EML6: variants seen among roughly 807,000 people sequenced by gnomAD.
The protein encoded by EML6 is EMAP like 6.
In EML6, 154 loss-of-function variants were observed where a neutral mutation model predicts 240.1. That is an observed-to-expected ratio of 0.64 (90% CI 0.56 to 0.73). The LOEUF (loss-of-function observed/expected upper bound fraction) is 0.73. EML6 is among the 30% of genes least tolerant of loss of function. The pLI is 0.00. For missense variants in EML6, 2,964 were observed against 2,474.6 expected (o/e 1.20, Z -4.20); for synonymous variants, 1,148 against 899.0 (o/e 1.28, Z -4.95).
intron 26 of EML6, among the ~76,000 whole-genome samples, chr2:54,923,018 C>T (rs535953219): frequency 3.5e-4 from 53 of 149,942 alleles, no homozygotes; most frequent in African/African-American, 1.0e-3. Context: ...CTGGGCTCAC[C>T]GCAACCTCTG....
intron 7 of EML6, among the ~76,000 whole-genome samples, chr2:54,838,438 A>T (rs748792928): frequency 1.2e-4 from 18 of 152,226 alleles, no homozygotes; most frequent in Admixed American, 2.0e-4. Flanking sequence ...GAATGACTAA[A>T]TACCTTACCA....
chr2:54,868,164 C>G (rs530453890), intron 14 of EML6: 1 of 152,048 alleles, frequency 6.6e-6, no homozygotes, highest in African/African-American at 2.4e-5. Context: ...TAAAATGTTA[C>G]TGAAATAAAT....
chr2:54,905,074 C>T (rs536707606), intron 24 of EML6, among the ~76,000 whole-genome samples: 87 of 152,262 alleles, frequency 5.7e-4, no homozygotes, highest in African/African-American at 1.9e-3. Flanking sequence ...TCAGATAAGT[C>T]TGTTTCGCTT....
At chr2:54,754,084 G>A (rs1057201782) in intron 2 of EML6, among the ~76,000 whole-genome samples, 2 of 151,338 alleles carry the variant, frequency 1.3e-5, no homozygotes, top group Non-Finnish European at 2.9e-5. Flanking sequence ...GCAGTGAGTC[G>A]AGATCACACC....
chr2:54,824,800 C>G (rs1668509556), intron 5 of EML6, among the ~76,000 whole-genome samples: 1 of 152,132 alleles, frequency 6.6e-6, no homozygotes, highest in African/African-American at 2.4e-5. Flanking sequence ...ACTCAAGGTA[C>G]CTGCCAGCTC....
intron 11 of EML6, among the ~76,000 whole-genome samples, chr2:54,856,267 C>T (rs1365323460): frequency 6.6e-6 from 1 of 152,218 alleles, no homozygotes; most frequent in Non-Finnish European, 1.5e-5. Flanking sequence ...GCCACACAGA[C>T]ACTGAAACGA....
At chr2:54,799,033 A>AT (rs955554919) in intron 2 of EML6, among the ~76,000 whole-genome samples, 2 of 151,694 alleles carry the variant, frequency 1.3e-5, no homozygotes, top group East Asian at 1.9e-4. Flanking sequence ...AGATGATTGT[A>AT]TTTTTTTTCT....
chr2:54,960,360 G>T, intron 35 of EML6, 26 bp downstream of exon 35: 1 of 1,513,278 alleles, frequency 6.6e-7, no homozygotes, highest in Non-Finnish European at 9.0e-7. Flanking sequence ...TCCCCTGGGG[G>T]CTGGGCCAGG....
rs971616903 is a variant in EML6, at chr2:54,954,253, C to T, written c.4486+97C>T. ...CAGATCTGCCTCACTCCGAAGCCTG[C>T]CGTAGGCACTGACTGCTGCTGGGCA... On this transcript the variant is annotated intron_variant, in intron 32 of 41. Transcript: ENST00000356458. 4.5e-5 allele frequency: 49 copies of T among 1,095,304 alleles called. No homozygotes were observed. The African/African-American group carries it at 7.1e-4, about 16-fold the overall frequency. The allele number at this position is 1,095,304 out of a possible 1,614,324, so 67.8% of individuals were successfully genotyped here.
intron 2 of EML6, among the ~76,000 whole-genome samples, chr2:54,797,020 C>T (rs891985591): frequency 3.3e-5 from 5 of 151,684 alleles, no homozygotes; most frequent in Non-Finnish European, 5.9e-5. Flanking sequence ...AAAAAATTAG[C>T]GGGGCCTAGT....
intron 26 of EML6, among the ~76,000 whole-genome samples, chr2:54,917,613 G>A (rs1465828957): frequency 6.6e-6 from 1 of 152,082 alleles, no homozygotes; most frequent in Non-Finnish European, 1.5e-5. Flanking sequence ...CACCCGCCTT[G>A]GCCTCCCAAA....
intron 3 of EML6, among the ~76,000 whole-genome samples, chr2:54,815,137 A>G (rs896297699): frequency 1.2e-4 from 18 of 152,244 alleles, no homozygotes; most frequent in African/African-American, 3.1e-4. Flanking sequence ...AGGAAAATCC[A>G]GCTTTAAAAA....
intron 26 of EML6, among the ~76,000 whole-genome samples, chr2:54,917,833 T>A (rs919063734): frequency 1.3e-5 from 2 of 152,250 alleles, no homozygotes; most frequent in African/African-American, 4.8e-5. Flanking sequence ...GGCTTACAGC[T>A]GTCCCCTCCC....
chr2:54,812,187 T>A (rs1351975145), intron 2 of EML6, among the ~76,000 whole-genome samples: 1 of 152,194 alleles, frequency 6.6e-6, no homozygotes, highest in Non-Finnish European at 1.5e-5. Flanking sequence ...GTATTATCTG[T>A]ATTTTTAGAT....
At chr2:54,839,281 A>T (rs1355957016) in intron 7 of EML6, among the ~76,000 whole-genome samples, 1 of 152,222 alleles carries the variant, frequency 6.6e-6, no homozygotes, top group Non-Finnish European at 1.5e-5. Flanking sequence ...TTAAAAAAGG[A>T]TGGCAATGGG....
intron 7 of EML6, among the ~76,000 whole-genome samples, chr2:54,834,104 T>C (rs1669011354): frequency 6.6e-6 from 1 of 152,092 alleles, no homozygotes; most frequent in Non-Finnish European, 1.5e-5. Flanking sequence ...AATATAAAAT[T>C]CTGGAATTTT....
chr2:54,857,365 G>A (rs1460887917), intron 11 of EML6, among the ~76,000 whole-genome samples: 1 of 152,174 alleles, frequency 6.6e-6, no homozygotes, highest in African/African-American at 2.4e-5. Context: ...GAGGACAAAG[G>A]GAGGTCTGGT....
chr2:54,794,531 C>G (rs1051177250), intron 2 of EML6, among the ~76,000 whole-genome samples: 1 of 152,150 alleles, frequency 6.6e-6, no homozygotes, highest in Non-Finnish European at 1.5e-5. Flanking sequence ...CAGATACTTT[C>G]AGCACCCCTC....
intron 28 of EML6, among the ~76,000 whole-genome samples, chr2:54,930,035 A>G (rs1674770501): frequency 6.6e-6 from 1 of 152,148 alleles, no homozygotes; most frequent in Admixed American, 6.5e-5. Flanking sequence ...TAGGCCTCCC[A>G]CTTAAATAAT....
Sources: gnomAD v4.1 joint callset for allele counts (sites outside exome capture counted in the v4.1 genomes callset) on GRCh38, gnomAD v4.1.1 for gene constraint, MANE v1.5 for transcripts, NCBI Gene and HGNC (gene_info 2026-07-23, HGNC 2026-07-21) for gene names.